The following SORCS2 variants were observed in gnomAD, a reference collection of about 807,000 sequenced individuals.
SORCS2 encodes VPS10 domain-containing receptor SorCS2.
SORCS2 carries 100 observed loss-of-function variants against 141.6 expected under a neutral mutation model. The observed-to-expected ratio is 0.71, with a 90% CI of 0.60 to 0.83. SORCS2 has a LOEUF of 0.83. Among genes scored for constraint, SORCS2 ranks in the 40% least tolerant of loss-of-function variants. The pLI is 0.00. For missense variants in SORCS2, 1,646 were observed against 1,560.2 expected, an observed-to-expected ratio of 1.05 and a Z score of -0.93; for synonymous variants, 789 against 676.9, an observed-to-expected ratio of 1.17 and a Z score of -2.57.
Position 7,288,672 on chromosome 4 carries a change from CT to C in SORCS2, c.480+95547del, listed in dbSNP as rs1236868341. ...TTCCTCTTCTTCCAAGGCCACAGTC[CT>C]ATTGGATTAGGTCCCTACTCCTGTG... On this transcript the variant is annotated intron_variant, in intron 1 of 26. Transcript: ENST00000507866. Among the ~76,000 whole-genome samples, 5 of 151,568 alleles carry C rather than the reference CT, an allele frequency of 3.3e-5. No homozygotes were observed. The East Asian group carries it at 9.7e-4, about 29-fold the overall frequency.
chr4:7,361,070 G>GT (rs1401130047), intron 1 of SORCS2, among the ~76,000 whole-genome samples: 2 of 152,054 alleles, frequency 1.3e-5, no homozygotes, highest in African/African-American at 4.8e-5. Context: ...GTTCCTTAGC[G>GT]TTTTTGTCAA....
chr4:7,548,206 G>A (rs1264922017), intron 3 of SORCS2, among the ~76,000 whole-genome samples: 2 of 152,120 alleles, frequency 1.3e-5, no homozygotes, highest in Non-Finnish European at 2.9e-5. Flanking sequence ...GACCCCCATC[G>A]CCAGCAAAGA....
intron 2 of SORCS2, among the ~76,000 whole-genome samples, chr4:7,413,106 A>C (rs936785101): frequency 6.6e-6 from 1 of 152,116 alleles, no homozygotes; most frequent in African/African-American, 2.4e-5. Context: ...TCTCTTCTTA[A>C]AGACATTCTT....
intron 3 of SORCS2, among the ~76,000 whole-genome samples, chr4:7,565,870 GTGATGATGGAGA>G (rs1466614387): frequency 6.7e-5 from 10 of 148,184 alleles, no homozygotes; most frequent in African/African-American, 2.5e-5. Context: ...TGGTGATGAT[GTGATGATGGAGA>G]TGATGATGGT....
At chr4:7,719,646 G>A (rs1726441196) in intron 18 of SORCS2, among the ~76,000 whole-genome samples, 1 of 152,184 alleles carries the variant, frequency 6.6e-6, no homozygotes, top group Admixed American at 6.5e-5. Context: ...TGGGGCGGCA[G>A]GAGGACAGAG....
chr4:7,363,973 G>T (rs1485217017), intron 1 of SORCS2, among the ~76,000 whole-genome samples: 1 of 16,198 alleles, frequency 6.2e-5, no homozygotes, highest in Non-Finnish European at 1.1e-4. Context: ...TACCATCACC[G>T]TCACCATAAC....
intron 1 of SORCS2, among the ~76,000 whole-genome samples, chr4:7,194,021 A>C (rs2108845304): frequency 6.7e-6 from 1 of 149,260 alleles, no homozygotes; most frequent in Non-Finnish European, 1.5e-5. Context: ...ACTTCCCCCC[A>C]CCCCCACAAA....
chr4:7,659,086 C>T (rs1721985092), intron 5 of SORCS2, among the ~76,000 whole-genome samples: 1 of 152,108 alleles, frequency 6.6e-6, no homozygotes, highest in African/African-American at 2.4e-5. Context: ...CATGACCAGC[C>T]ACCAAATCCA....
At chr4:7,399,420 C>T (rs1427084625) in intron 2 of SORCS2, among the ~76,000 whole-genome samples, 3 of 152,200 alleles carry the variant, frequency 2.0e-5, no homozygotes, top group Non-Finnish European at 4.4e-5. Context: ...CAAGTATGGT[C>T]TTTTCATTCT....
At chr4:7,208,814 T>A (rs2108878523) in intron 1 of SORCS2, among the ~76,000 whole-genome samples, 1 of 152,276 alleles carries the variant, frequency 6.6e-6, no homozygotes, top group South Asian at 2.1e-4. Context: ...CTGGTCCGAG[T>A]CTTCTGAGCA....
At chr4:7,462,758 G>A (rs1384673403) in intron 2 of SORCS2, among the ~76,000 whole-genome samples, 1 of 151,560 alleles carries the variant, frequency 6.6e-6, no homozygotes, top group Non-Finnish European at 1.5e-5. Context: ...GTGCACGGAA[G>A]AAGCCGGTGC....
At chr4:7,699,639 G>A (rs369599833) in intron 12 of SORCS2, among the ~76,000 whole-genome samples, 102 of 152,284 alleles carry the variant, frequency 6.7e-4, no homozygotes, top group African/African-American at 2.4e-3. Context: ...CCAGGGAAGG[G>A]GGCTGCAGCC....
chr4:7,466,118 A>C (rs374517374), intron 2 of SORCS2, among the ~76,000 whole-genome samples: 44 of 152,236 alleles, frequency 2.9e-4, no homozygotes, highest in African/African-American at 1.1e-3. Context: ...ATGTGCAAGC[A>C]TTCTCTGAGT....
rs564943121 is a variant in SORCS2 at position 7,431,177 on chromosome 4, T to A, written c.548+34822T>A. 2.0e-5 allele frequency: 3 copies of A among 152,404 alleles called. No individual in the cohort carries two copies. The East Asian group carries it at 5.8e-4, about 29-fold the overall frequency. 9.4% of individuals were successfully genotyped at this position (152,404 alleles called of 1,614,324 possible). On this transcript the variant is annotated intron_variant, in intron 2 of 26. Transcript: ENST00000507866. ...GCCTGTGGGGTCATGGCCAGTGAGC[T>A]CCGTTCATCACGGGCAACCATCTAG...
At chr4:7,601,862 G>T (rs539550474) in intron 3 of SORCS2, among the ~76,000 whole-genome samples, 6 of 152,060 alleles carry the variant, frequency 3.9e-5, no homozygotes, top group Admixed American at 3.3e-4. Context: ...ATTAGGGAGC[G>T]GTGATGACTC....
chr4:7,270,455 C>A (rs1185090143), intron 1 of SORCS2, among the ~76,000 whole-genome samples: 1 of 152,226 alleles, frequency 6.6e-6, no homozygotes, highest in Non-Finnish European at 1.5e-5. Context: ...TGATTTGGAT[C>A]TGGCCTGGGG....
chr4:7,501,507 G>T (rs1413562144), intron 2 of SORCS2, among the ~76,000 whole-genome samples: 1 of 87,122 alleles, frequency 1.1e-5, no homozygotes, highest in African/African-American at 5.0e-5. Context: ...AGGCACCAGG[G>T]CTGGCGCTGG....
chr4:7,400,078 C>A (rs761257022), intron 2 of SORCS2, among the ~76,000 whole-genome samples: 1 of 152,166 alleles, frequency 6.6e-6, no homozygotes, highest in Non-Finnish European at 1.5e-5. Context: ...CTGGTTAGGA[C>A]CGAGGTTTAA....
At chr4:7,673,536 C>A (rs1333768695) in intron 8 of SORCS2, among the ~76,000 whole-genome samples, 1 of 152,116 alleles carries the variant, frequency 6.6e-6, no homozygotes, top group African/African-American at 2.4e-5. Context: ...TGTAAAGGGG[C>A]AGACTATAAA....
Sources: allele counts gnomAD v4.1 joint callset (sites outside exome capture counted in the v4.1 genomes callset), GRCh38; gene constraint gnomAD v4.1.1; transcripts MANE v1.5; gene names NCBI Gene and HGNC (gene_info 2026-07-23, HGNC 2026-07-21).